CD244: variants seen among roughly 807,000 people sequenced by gnomAD.
CD244 encodes the protein natural killer cell receptor 2B4.
CD244 carries 20 observed loss-of-function variants against 45.5 expected under a neutral mutation model. That is an observed-to-expected ratio of 0.44 (90% confidence interval 0.31 to 0.64). The LOEUF is 0.64. Among genes scored for constraint, CD244 ranks in the 30% least tolerant of loss-of-function variants. The pLI, the probability that CD244 is intolerant of heterozygous loss-of-function variation, is 0.08. For missense variants in CD244, 407 were observed against 426.9 expected (o/e 0.95, Z 0.41); for synonymous variants, 185 against 160.5 (o/e 1.15, Z -1.15).
intron 7 of CD244, 67 bp from the exon 8 acceptor site, chr1:160,832,642 G>A: frequency 6.2e-7 from 1 of 1,604,108 alleles, no homozygotes. Flanking sequence ...TAAGTGATGT[G>A]AGAGGTCCCA....
At chr1:160,852,850 C>G (rs1045165665) in intron 1 of CD244, among the ~76,000 whole-genome samples, 2 of 151,808 alleles carry the variant, frequency 1.3e-5, no homozygotes, top group Non-Finnish European at 2.9e-5. Context: ...TGGTGAAACC[C>G]CATCTCAAAA....
intron 1 of CD244, among the ~76,000 whole-genome samples, chr1:160,854,546 CT>C (rs1670036158): frequency 7.2e-6 from 1 of 138,884 alleles, no homozygotes; most frequent in South Asian, 2.3e-4. Context: ...CCACCCCCAG[CT>C]ATTCTTTTTT....
intron 1 of CD244, among the ~76,000 whole-genome samples, chr1:160,850,386 T>A (rs1231490852): frequency 6.6e-6 from 1 of 152,148 alleles, no homozygotes; most frequent in Non-Finnish European, 1.5e-5. Flanking sequence ...TGCTAAGATG[T>A]CAATTCTTCC....
Position 160,862,704 on chromosome 1 carries a change from G to A in CD244, c.-27C>T. 2 of 1,609,684 alleles carry A rather than the reference G, an allele frequency of 1.2e-6. No individual in the cohort carries two copies. Among genetic ancestry groups the A allele is most frequent in the Non-Finnish European group, 1.7e-6 (2 of 1,176,804 alleles). Reference sequence around the variant, plus strand: ...TCCACAGGACAGAGGGGCCAGGCCAGCCCCTCCACCCCACCAGACTCTCTG... The same window carrying A: ...TCCACAGGACAGAGGGGCCAGGCCAACCCCTCCACCCCACCAGACTCTCTG... On this transcript the variant is annotated 5_prime_UTR_variant, in exon 1 of 9. Coordinates refer to ENST00000368034, the MANE Select transcript of CD244 (RefSeq NM_016382.4).
At chr1:160,833,516 C>T (rs76352752) in intron 7 of CD244, among the ~76,000 whole-genome samples, 5 of 152,324 alleles carry the variant, frequency 3.3e-5, no homozygotes, top group East Asian at 3.9e-4. Flanking sequence ...AAGAGAGCTA[C>T]GAACTCAGCT....
chr1:160,834,288 C>T (rs1219390352), intron 6 of CD244, among the ~76,000 whole-genome samples, 172 bp from the exon 7 acceptor site: 2 of 152,220 alleles, frequency 1.3e-5, no homozygotes, highest in Non-Finnish European at 2.9e-5. Context: ...TAGTCTCGCT[C>T]TGTCATTAAT....
In CD244 at chr1:160,845,170, G is replaced by A. The variant is rs577667746; in HGVS notation, c.62-3269C>T. Among the ~76,000 whole-genome samples the A allele has an allele frequency of 3.9e-5, 6 of 152,094 alleles. No individual in the cohort carries two copies. In the South Asian group the frequency reaches 1.2e-3, roughly 32 times the overall value. On this transcript the variant is annotated intron_variant, in intron 1 of 8. Transcript: ENST00000368034. ...ACTGGATTTTGGAGTAGGTCATTAT[G>A]CAGCAATAGTTACCTGAAATTGGAT... is the stretch of plus-strand genomic sequence containing the variant.
chr1:160,861,784 C>A (rs1189249635), intron 1 of CD244, among the ~76,000 whole-genome samples: 1 of 152,058 alleles, frequency 6.6e-6, no homozygotes, highest in African/African-American at 2.4e-5. Flanking sequence ...TTGTAGTGAG[C>A]CAAGATCACG....
chr1:160,846,292 G>GA (rs1282424915), intron 1 of CD244, among the ~76,000 whole-genome samples: 3 of 152,184 alleles, frequency 2.0e-5, no homozygotes, highest in Non-Finnish European at 4.4e-5. Context: ...GTATCAGTGA[G>GA]AACATACGTT....
At chr1:160,853,854 T>C (rs1168726053) in intron 1 of CD244, among the ~76,000 whole-genome samples, 1 of 144,680 alleles carries the variant, frequency 6.9e-6, no homozygotes, top group Admixed American at 6.9e-5. Context: ...AAATGCAATA[T>C]GGAATGTGCT....
In CD244 at chr1:160,831,425, A is replaced by G; in HGVS notation, c.1020T>C (p.Ile340=). ...PSFNSTIYEV[I]GKSQPKAQNP... ...TCTGGGCTTTAGGTTGACTCTTTCC[A>G]ATCTGCAAAAGAAAAGGAGAAACTT... The change falls in exon 9 of 9, where the codon ATT becomes ATC. Residue 340 remains isoleucine (I), a splice_region_variant and synonymous_variant. Transcript: ENST00000368034. The G allele has an allele frequency of 6.2e-7, 1 of 1,612,906 alleles. No individual in the cohort carries two copies. The highest frequency in any genetic ancestry group is 8.5e-7 in the Non-Finnish European group (1 of 1,178,904).
chr1:160,861,364 G>A (rs371308459), intron 1 of CD244, among the ~76,000 whole-genome samples: 16 of 152,274 alleles, frequency 1.1e-4, no homozygotes, highest in African/African-American at 3.1e-4. Flanking sequence ...TCAGGGACTC[G>A]GTAACTGAAT....
At chr1:160,832,897 CAT>C (rs745907054) in intron 7 of CD244, among the ~76,000 whole-genome samples, 3,579 of 84,228 alleles carry the variant, frequency 0.042, 59 homozygotes, top group South Asian at 0.11. Flanking sequence ...TACACACACA[CAT>C]ATATATACAT....
chr1:160,853,279 T>C (rs1040347631), intron 1 of CD244, among the ~76,000 whole-genome samples: 6 of 152,188 alleles, frequency 3.9e-5, no homozygotes, highest in African/African-American at 1.2e-4. Context: ...AAAAAGTACA[T>C]AGTGAATTAT....
At chr1:160,847,481 T>C (rs1381448695) in intron 1 of CD244, among the ~76,000 whole-genome samples, 2 of 152,172 alleles carry the variant, frequency 1.3e-5, no homozygotes, top group Non-Finnish European at 2.9e-5. Flanking sequence ...AAGTTCAAAG[T>C]ATTGAAATCA....
chr1:160,835,164 C>T, intron 6 of CD244, among the ~76,000 whole-genome samples: 1 of 152,002 alleles, frequency 6.6e-6, no homozygotes, highest in East Asian at 1.9e-4. Flanking sequence ...GCAGTGTTTC[C>T]CTTGGGAGAG....
At chr1:160,840,982 C>T (rs957271193) in intron 3 of CD244, among the ~76,000 whole-genome samples, 31 of 152,336 alleles carry the variant, frequency 2.0e-4, no homozygotes, top group Non-Finnish European at 3.5e-4. Context: ...AGAAGAAAAG[C>T]TTGCATCTCC....
At chr1:160,837,054 C>T (rs1185566380) in intron 5 of CD244, among the ~76,000 whole-genome samples, 1 of 152,054 alleles carries the variant, frequency 6.6e-6, no homozygotes, top group Non-Finnish European at 1.5e-5. Context: ...CCGTCCAGAC[C>T]CGTGTGAAGT....
chr1:160,851,560 T>C (rs547304645), intron 1 of CD244, among the ~76,000 whole-genome samples: 14 of 152,318 alleles, frequency 9.2e-5, no homozygotes, highest in African/African-American at 3.1e-4. Context: ...ATCATAAATT[T>C]AAATATGAAA....
Sources: gnomAD v4.1 joint callset for allele counts (sites outside exome capture counted in the v4.1 genomes callset) on GRCh38, gnomAD v4.1.1 for gene constraint, MANE v1.5 for transcripts, NCBI Gene and HGNC (gene_info 2026-07-23, HGNC 2026-07-21) for gene names.